CRACR2A: variants seen among roughly 807,000 people sequenced by gnomAD.
CRACR2A encodes calcium release activated channel regulator 2A.
A neutral mutation model predicts 90.5 loss-of-function variants in CRACR2A; 79 were observed. The ratio of observed to expected loss-of-function variants is 0.87; its 90% CI spans 0.73 to 1.05. The LOEUF is 1.05. CRACR2A is among the 50% of genes least tolerant of loss of function. The probability of loss-of-function intolerance (pLI) is 0.00; values close to 1 mark genes in which losing one functional copy is unlikely to be tolerated. For missense variants in CRACR2A, 823 were observed against 897.2 expected, an observed-to-expected ratio of 0.92 and a Z score of 1.06; for synonymous variants, 338 against 356.7, an observed-to-expected ratio of 0.95 and a Z score of 0.59.
At chr12:3,703,517 A>G (rs890366257) in intron 3 of CRACR2A, among the ~76,000 whole-genome samples, 3 of 152,260 alleles carry the variant, frequency 2.0e-5, no homozygotes, top group Admixed American at 6.5e-5. Context: ...CTTTGGCAAA[A>G]GTTTCTTGGG....
rs1220796672 is a variant in CRACR2A at position 3,678,825 on chromosome 12, C to G, written c.524+90G>C. ...CATTCCAGTGCAGGGACCAGCACCACATGGTTAACAAATGTTAATTGTTGA... is the reference window on the plus strand; with the variant it reads ...CATTCCAGTGCAGGGACCAGCACCAGATGGTTAACAAATGTTAATTGTTGA... On this transcript the variant is annotated intron_variant, in intron 6 of 19. Transcript: ENST00000440314. 7 of 1,423,258 alleles carry G rather than the reference C, an allele frequency of 4.9e-6. No homozygotes were observed. In the African/African-American group the frequency reaches 1.0e-4, roughly 20 times the overall value. 88.2% of individuals were successfully genotyped at this position (1,423,258 alleles called of 1,614,324 possible).
intron 2 of CRACR2A, 98 bp from the exon 3 acceptor site, chr12:3,713,415 A>G (rs556783386): frequency 1.2e-3 from 547 of 460,118 alleles, no homozygotes; most frequent in Non-Finnish European, 1.4e-3. Context: ...GGGAGGAAAC[A>G]TTGCTCCTAC....
At chr12:3,638,883 G>A (rs776440043) in intron 13 of CRACR2A, among the ~76,000 whole-genome samples, 16 of 152,088 alleles carry the variant, frequency 1.1e-4, no homozygotes, top group East Asian at 3.9e-4. Context: ...TTAATAAAGC[G>A]CCCCCGATTA....
intron 3 of CRACR2A, among the ~76,000 whole-genome samples, chr12:3,708,660 C>T (rs914803974): frequency 1.3e-5 from 2 of 152,122 alleles, no homozygotes; most frequent in Non-Finnish European, 2.9e-5. Context: ...CTCCTGACCT[C>T]GTGATCCGCC....
In CRACR2A at chr12:3,644,602, C is replaced by G; in HGVS notation, c.1157G>C (p.Cys386Ser). The G allele has an allele frequency of 6.4e-7, 1 of 1,551,532 alleles. No homozygotes were observed. The highest frequency in any genetic ancestry group is 1.4e-5 in the African/African-American group (1 of 73,162). Residue 386 changes from cysteine to serine, a missense_variant, in exon 12 of 20, where the codon TGT (cysteine) becomes TCT (serine). Cys to Ser is a moderately radical substitution (Grantham distance 112). Coordinates refer to ENST00000440314, the MANE Select transcript of CRACR2A (RefSeq NM_001144958.2). The part of the protein sequence containing the change: ...NKHLRDERDI[C>S]FQKNKAAKAN... Reference sequence around the variant, plus strand: ...GGAGAACTGGCCAATTACCTGAAAACATATGTCCCGTTCATCCCGAAGGTG... The same window carrying G: ...GGAGAACTGGCCAATTACCTGAAAAGATATGTCCCGTTCATCCCGAAGGTG...
intron 2 of CRACR2A, chr12:3,728,413 G>C (rs1946304925): frequency 6.6e-6 from 1 of 152,300 alleles, no homozygotes; most frequent in South Asian, 2.1e-4. Context: ...CCACAGAGAT[G>C]ACAGATGCTG....
chr12:3,647,993 T>G (rs952563206), intron 11 of CRACR2A: 2 of 985,654 alleles, frequency 2.0e-6, no homozygotes, highest in Admixed American at 6.1e-5. Context: ...CTGAGAAAGC[T>G]TTTTCTTGGT....
intron 18 of CRACR2A, 24 bp downstream of exon 18, chr12:3,619,247 G>C (rs1867759303): frequency 6.5e-7 from 1 of 1,540,894 alleles, no homozygotes; most frequent in South Asian, 1.2e-5. Context: ...TCTGTCCAGA[G>C]AGATGGAAAT....
At chr12:3,725,668 A>C (rs1454039198) in intron 2 of CRACR2A, among the ~76,000 whole-genome samples, 3 of 152,214 alleles carry the variant, frequency 2.0e-5, no homozygotes, top group Non-Finnish European at 4.4e-5. Context: ...CTCAGAGTAC[A>C]TCAGATCCTC....
rs932923544 is a variant in CRACR2A, at chr12:3,696,934, C to T, written c.66G>A (p.Gly22=). 2.8e-5 allele frequency: 45 copies of T among 1,614,084 alleles called. No individual in the cohort carries two copies. Among genetic ancestry groups the T allele is most frequent in the Non-Finnish European group, 3.8e-5 (45 of 1,180,032 alleles). Residue 22 remains glycine (G), a synonymous_variant, in exon 4 of 20, where the codon GGG becomes GGA. Transcript: ENST00000440314. ...GCAGGCAGGCTCCACTCCCCTTTGG[C>T]CCCTGGCCAGACCCCTGACCAAGTC... The part of the protein sequence containing the change: ...PQRLGQGSGQ[G]PKGSGACLHP...
chr12:3,679,193 T>G, intron 5 of CRACR2A, 95 bp from the exon 6 acceptor site: 1 of 1,262,786 alleles, frequency 7.9e-7, no homozygotes, highest in Non-Finnish European at 1.1e-6. Flanking sequence ...AAGGTTCATC[T>G]GAGAGAAGGA....
intron 6 of CRACR2A, among the ~76,000 whole-genome samples, chr12:3,674,059 G>A (rs1039272910): frequency 5.3e-5 from 8 of 152,222 alleles, no homozygotes; most frequent in African/African-American, 1.4e-4. Context: ...AGGAGGACAG[G>A]AGCCCAGTGC....
chr12:3,737,670 G>A (rs1348939080), intron 1 of CRACR2A, among the ~76,000 whole-genome samples: 1 of 152,168 alleles, frequency 6.6e-6, no homozygotes, highest in Non-Finnish European at 1.5e-5. Context: ...GGAATCAAGA[G>A]GACTGGGTGG....
chr12:3,680,059 C>T lies in CRACR2A; in HGVS notation c.340+179G>A, dbSNP rs557999446. Reference sequence around the variant, plus strand: ...CAAGCGGCAATGTAAGCAGTTGAGACGGGCATGTGAGGAGGCCCAAGCAAT... The same window carrying T: ...CAAGCGGCAATGTAAGCAGTTGAGATGGGCATGTGAGGAGGCCCAAGCAAT... On this transcript the variant is annotated intron_variant, in intron 5 of 19. Coordinates refer to ENST00000440314, the MANE Select transcript of CRACR2A (RefSeq NM_001144958.2). Among the ~76,000 whole-genome samples, 53 of 152,280 alleles carry T rather than the reference C, an allele frequency of 3.5e-4. No individual in the cohort carries two copies. The South Asian group carries it at 6.4e-3, about 18-fold the overall frequency.
At chr12:3,636,149 T>G (rs1944450710) in intron 14 of CRACR2A, among the ~76,000 whole-genome samples, 1 of 152,244 alleles carries the variant, frequency 6.6e-6, no homozygotes, top group South Asian at 2.1e-4. Context: ...TATTTCCTTA[T>G]GAAGAATTCC....
At chr12:3,660,829 A>AACACAC (rs58293233) in intron 7 of CRACR2A, among the ~76,000 whole-genome samples, 180 of 119,698 alleles carry the variant, frequency 1.5e-3, no homozygotes, top group Middle Eastern at 8.1e-3. Context: ...CTGAACATGC[A>AACACAC]ACACACACAC....
At chr12:3,685,562 T>C (rs1945537385) in intron 4 of CRACR2A, among the ~76,000 whole-genome samples, 1 of 152,218 alleles carries the variant, frequency 6.6e-6, no homozygotes, top group South Asian at 2.1e-4. Flanking sequence ...CCTTTAAAAA[T>C]ATTCTGACAC....
intron 1 of CRACR2A, among the ~76,000 whole-genome samples, chr12:3,745,774 G>A (rs538020947): frequency 1.3e-3 from 21 of 16,506 alleles, no homozygotes; most frequent in East Asian, 4.3e-3. Flanking sequence ...ACAAAACTTC[G>A]TCTCAAAAAA....
intron 4 of CRACR2A, among the ~76,000 whole-genome samples, chr12:3,681,058 T>C (rs1213206260): frequency 6.6e-6 from 1 of 150,942 alleles, no homozygotes; most frequent in African/African-American, 2.5e-5. Flanking sequence ...ACGATGCGGG[T>C]GCGGGTCACT....
Sources: allele counts gnomAD v4.1 joint callset (sites outside exome capture counted in the v4.1 genomes callset), GRCh38; gene constraint gnomAD v4.1.1; transcripts MANE v1.5; gene names NCBI Gene and HGNC (gene_info 2026-07-23, HGNC 2026-07-21).